CUX2: variants seen among roughly 807,000 people sequenced by gnomAD.
CUX2 encodes the protein cut like homeobox 2, also known as homeobox protein cut-like 2.
A neutral mutation model predicts 144.8 loss-of-function variants in CUX2; 40 were observed. The ratio of observed to expected loss-of-function variants is 0.28; its 90% CI spans 0.21 to 0.36. The LOEUF (loss-of-function observed/expected upper bound fraction) is 0.36. Ranked by LOEUF, CUX2 falls within the 10% of genes least tolerant of loss-of-function variation. The pLI is 1.00. For missense variants in CUX2, 1,615 were observed against 1,994.0 expected (o/e 0.81, Z 3.62); for synonymous variants, 827 against 875.6 (o/e 0.94, Z 0.98).
chr12:111,289,036 T>C lies in CUX2; in HGVS notation c.302-2382T>C, dbSNP rs1258585694. ...TACTCGGGAGGCTGAGTCAGGAACATAGCTTGAACATGGGAGGCAGAGATT... is the reference window on the plus strand; with the variant it reads ...TACTCGGGAGGCTGAGTCAGGAACACAGCTTGAACATGGGAGGCAGAGATT... On this transcript the variant is annotated intron_variant, in intron 4 of 21. Transcript: ENST00000261726. The surrounding 1 kb of genome is among the most constrained non-coding windows in gnomAD (Gnocchi z 4.1). 6.6e-6 allele frequency among the ~76,000 whole-genome samples: 1 copy of C among 151,910 alleles called. No homozygotes were observed. Among genetic ancestry groups the C allele is most frequent in the African/African-American group, 2.4e-5 (1 of 41,308 alleles).
intron 18 of CUX2, among the ~76,000 whole-genome samples, chr12:111,323,053 C>G (rs1887611246): frequency 6.6e-6 from 1 of 152,180 alleles, no homozygotes; most frequent in Admixed American, 6.5e-5. Context: ...GGTGAGGAAA[C>G]GGAGGCTCAG....
At position 111,304,269 on chromosome 12, in the gene CUX2, C is replaced by T; in HGVS notation, c.813C>T (p.Asn271=). Residue 271 remains asparagine (N), a synonymous_variant, in exon 10 of 22, where the codon AAC becomes AAT. Coordinates refer to ENST00000261726, the MANE Select transcript of CUX2 (RefSeq NM_015267.4). The surrounding 1 kb of genome is among the most constrained non-coding windows in gnomAD (Gnocchi z 4.7). The part of the protein sequence containing the change: ...ESLREQLASV[N]SSIRLACCSP... ...TCCGGGAACAGCTGGCCTCTGTCAA[C>T]AGCTCCATCCGCCTGGCTTGCTGCT... The T allele has an allele frequency of 1.9e-6, 3 of 1,614,026 alleles. No homozygotes were observed. Among genetic ancestry groups the T allele is most frequent in the Non-Finnish European group, 1.7e-6 (2 of 1,179,978 alleles).
intron 1 of CUX2, among the ~76,000 whole-genome samples, chr12:111,142,914 G>A (rs1465656325): frequency 6.6e-6 from 1 of 152,156 alleles, no homozygotes; most frequent in African/African-American, 2.4e-5. Context: ...GGCTGGCATT[G>A]CCCAATCAGA....
intron 1 of CUX2, among the ~76,000 whole-genome samples, chr12:111,138,905 A>C (rs1464815583): frequency 1.3e-5 from 2 of 151,974 alleles, no homozygotes; most frequent in Non-Finnish European, 2.9e-5. Flanking sequence ...ACTCTCGCTG[A>C]GCCCACATTT....
chr12:111,105,072 C>A (rs996729962), intron 1 of CUX2, among the ~76,000 whole-genome samples: 66 of 152,142 alleles, frequency 4.3e-4, no homozygotes, highest in African/African-American at 1.6e-3. Flanking sequence ...GCTGATCTGT[C>A]CAGGGACCTG....
intron 19 of CUX2, among the ~76,000 whole-genome samples, chr12:111,335,621 C>T (rs1565929796): frequency 2.0e-5 from 3 of 152,092 alleles, no homozygotes; most frequent in East Asian, 1.9e-4. Flanking sequence ...TGAGGAGAAT[C>T]GTTTGAATCC....
chr12:111,167,585 G>T (rs1352485688), intron 1 of CUX2, among the ~76,000 whole-genome samples: 2 of 152,204 alleles, frequency 1.3e-5, no homozygotes, highest in Non-Finnish European at 2.9e-5. Flanking sequence ...GATTTACCAC[G>T]TTGTCAGATG....
chr12:111,058,577 CAGAG>C (rs1343250447), intron 1 of CUX2, among the ~76,000 whole-genome samples: 2 of 151,646 alleles, frequency 1.3e-5, no homozygotes, highest in Non-Finnish European at 2.9e-5. Flanking sequence ...GACAGACAGA[CAGAG>C]AGAGAGACAG....
At chr12:111,173,528 G>T (rs866879666) in intron 1 of CUX2, among the ~76,000 whole-genome samples, 1 of 152,212 alleles carries the variant, frequency 6.6e-6, no homozygotes, top group Non-Finnish European at 1.5e-5. Context: ...GGAGCTTTTA[G>T]TCTAGCTATG....
chr12:111,247,966 G>A (rs536153241), intron 3 of CUX2, among the ~76,000 whole-genome samples: 4 of 152,314 alleles, frequency 2.6e-5, no homozygotes, highest in Admixed American at 1.3e-4. Flanking sequence ...GAGTGCAGTG[G>A]TGCAATCTTG....
In CUX2 at chr12:111,190,958, C is replaced by T. The variant is rs147691046; in HGVS notation, c.64-23242C>T. On this transcript the variant is annotated intron_variant, in intron 1 of 21. Coordinates refer to ENST00000261726, the MANE Select transcript of CUX2 (RefSeq NM_015267.4). This position sits in a 1 kb window ranked among gnomAD's most constrained non-coding sequence, Gnocchi z 4.0. ...AGCAGCTGAGCACAGCCGACCTGCTCGCAGATCCAGCACGCCAGGAGGGTC... is the reference window on the plus strand; with the variant it reads ...AGCAGCTGAGCACAGCCGACCTGCTTGCAGATCCAGCACGCCAGGAGGGTC... Among the ~76,000 whole-genome samples, 100 of 152,326 alleles carry T rather than the reference C, an allele frequency of 6.6e-4. No individual in the cohort carries two copies. Among genetic ancestry groups the T allele is most frequent in the Non-Finnish European group, 1.2e-3 (84 of 68,030 alleles).
intron 1 of CUX2, among the ~76,000 whole-genome samples, chr12:111,185,322 C>A (rs1415990539): frequency 2.0e-5 from 3 of 152,094 alleles, no homozygotes. Flanking sequence ...GGAAAGAGAA[C>A]CTGGATTCTT....
Position 111,330,690 on chromosome 12 carries a change from T to C in CUX2, c.2927-3751T>C, listed in dbSNP as rs1378204495. Among the ~76,000 whole-genome samples, 83 of 9,950 alleles carry C rather than the reference T, an allele frequency of 8.3e-3. 2 individuals carry two copies. The Admixed American group carries it at 0.084, about 10-fold the overall frequency. The allele number at this position is 9,950 out of a possible 152,430, so 6.5% of individuals were successfully genotyped here. A position where few individuals can be genotyped will look rare whatever the true frequency, so the allele number is the denominator to read the frequency against. Reference sequence around the variant, plus strand: ...CTCTATTTAAAAATACATATACATATATATATATATATATATATATATATA... The same window carrying C: ...CTCTATTTAAAAATACATATACATACATATATATATATATATATATATATA... On this transcript the variant is annotated intron_variant, in intron 18 of 21. Coordinates refer to ENST00000261726, the MANE Select transcript of CUX2 (RefSeq NM_015267.4).
At chr12:111,281,815 T>G (rs1239414482) in intron 4 of CUX2, among the ~76,000 whole-genome samples, 1 of 152,064 alleles carries the variant, frequency 6.6e-6, no homozygotes, top group Non-Finnish European at 1.5e-5. Context: ...GCTTTAGATA[T>G]GCAAGGGATT....
intron 3 of CUX2, among the ~76,000 whole-genome samples, chr12:111,235,688 TC>T (rs1413132315): frequency 6.6e-6 from 1 of 151,682 alleles, no homozygotes; most frequent in African/African-American, 2.4e-5. Flanking sequence ...GCCACTGCAC[TC>T]TAGCCCAGGC....
chr12:111,235,721 A>C (rs1274565291), intron 3 of CUX2, among the ~76,000 whole-genome samples: 1 of 144,786 alleles, frequency 6.9e-6, no homozygotes, highest in Non-Finnish European at 1.5e-5. Context: ...ACTCCATCTC[A>C]AAAAAAAAAA....
chr12:111,312,215 C>G lies in CUX2; in HGVS notation c.2002+14C>G. ...CGCAGAAGGGCGGTGAGTGTGACCC[C>G]TGCAGGCAAAGCCTGAGGCCCCCGG... On this transcript the variant is annotated intron_variant, in intron 16 of 21. Coordinates refer to ENST00000261726, the MANE Select transcript of CUX2 (RefSeq NM_015267.4). The surrounding 1 kb of genome is among the most constrained non-coding windows in gnomAD (Gnocchi z 4.3). 6.3e-7 allele frequency: 1 copy of G among 1,593,770 alleles called. No homozygotes were observed. Among genetic ancestry groups the G allele is most frequent in the Non-Finnish European group, 8.6e-7 (1 of 1,168,150 alleles).
intron 3 of CUX2, among the ~76,000 whole-genome samples, chr12:111,244,507 C>T (rs956990429): frequency 2.6e-5 from 4 of 152,250 alleles, no homozygotes; most frequent in African/African-American, 4.8e-5. Flanking sequence ...AGTTCCGTTA[C>T]CTCTAGCTGA....
chr12:111,066,425 C>T (rs1283656514), intron 1 of CUX2, among the ~76,000 whole-genome samples: 1 of 152,154 alleles, frequency 6.6e-6, no homozygotes, highest in Non-Finnish European at 1.5e-5. Flanking sequence ...GGTCTGGTAG[C>T]CTCCTGCTTC....
Sources: gnomAD v4.1 joint callset for allele counts (sites outside exome capture counted in the v4.1 genomes callset) on GRCh38, gnomAD v4.1.1 for gene constraint, Gnocchi (gnomAD v3.1) non-coding constraint, MANE v1.5 for transcripts, NCBI Gene and HGNC (gene_info 2026-07-23, HGNC 2026-07-21) for gene names.